The following OC90 variants were observed in gnomAD, a reference collection of about 807,000 sequenced individuals.
OC90 encodes otoconin 90.
A neutral mutation model predicts 47.3 loss-of-function variants in OC90; 46 were observed. The ratio of observed to expected loss-of-function variants is 0.97; its 90% confidence interval spans 0.77 to 1.24. The LOEUF (loss-of-function observed/expected upper bound fraction) is 1.24, where lower values mean the gene tolerates loss of function less well. Among genes scored for constraint, OC90 ranks in the 50% most tolerant of loss-of-function variants. The pLI, the probability that OC90 is intolerant of heterozygous loss-of-function variation, is 0.00. For missense variants in OC90, 688 were observed against 583.9 expected (o/e 1.18, Z -1.84); for synonymous variants, 271 against 219.5 (o/e 1.23, Z -2.07).
intron 13 of OC90, among the ~76,000 whole-genome samples, chr8:132,026,009 T>C (rs1339210567): frequency 6.6e-6 from 1 of 152,270 alleles, no homozygotes; most frequent in Non-Finnish European, 1.5e-5. Context: ...AAAATATAGA[T>C]GATCAGTTAA....
At chr8:132,055,133 C>A (rs545052722) in intron 1 of OC90, 60 bp from the exon 2 acceptor site, 2 of 917,144 alleles carry the variant, frequency 2.2e-6, no homozygotes, top group South Asian at 1.6e-5. Context: ...TGAAAGAACC[C>A]ATGGGACCCC....
chr8:132,026,720 C>T (rs28651560), intron 13 of OC90, among the ~76,000 whole-genome samples: 4,162 of 152,276 alleles, frequency 0.027, 185 homozygotes, highest in African/African-American at 0.093. Context: ...GAAGGGAGAG[C>T]AAGGCTTCAG....
At chr8:132,031,671 G>A (rs539227865) in intron 12 of OC90, among the ~76,000 whole-genome samples, 9 of 152,282 alleles carry the variant, frequency 5.9e-5, no homozygotes, top group East Asian at 5.8e-4. Context: ...CAAGGTGAAC[G>A]ACCTCAAACA....
At chr8:132,029,715 A>G (rs1268995635) in intron 12 of OC90, among the ~76,000 whole-genome samples, 1 of 152,210 alleles carries the variant, frequency 6.6e-6, no homozygotes, top group Non-Finnish European at 1.5e-5. Context: ...AGTGTCCAGC[A>G]TAGATCAGGA....
In OC90 at chr8:132,024,420, A is replaced by G; in HGVS notation, c.*61T>C. 7.6e-7 allele frequency: 1 copy of G among 1,310,836 alleles called. No individual in the cohort carries two copies. The allele number at this position is 1,310,836 out of a possible 1,614,324, so 81.2% of individuals were successfully genotyped here. ...AAGGGACAGAGGAGGCTGAGAGATAAAGAGCTGAAGGTGGAGCAGGAGCCA... is the reference window on the plus strand; with the variant it reads ...AAGGGACAGAGGAGGCTGAGAGATAGAGAGCTGAAGGTGGAGCAGGAGCCA... On this transcript the variant is annotated 3_prime_UTR_variant, in exon 14 of 14. Coordinates refer to ENST00000254627, the MANE Select transcript of OC90 (RefSeq NM_001080399.3).
intron 13 of OC90, among the ~76,000 whole-genome samples, 145 bp downstream of exon 13, chr8:132,028,915 AGGAAGGAAGGAAG>A (rs1195311958): frequency 6.7e-6 from 1 of 149,692 alleles, no homozygotes; most frequent in Non-Finnish European, 1.5e-5. Flanking sequence ...GGAAAGAGGA[AGGAAGGAAGGAAG>A]GGAAGGAAGG....
intron 2 of OC90, among the ~76,000 whole-genome samples, chr8:132,049,270 C>T (rs1823180448): frequency 6.8e-6 from 1 of 146,904 alleles, no homozygotes; most frequent in African/African-American, 2.7e-5. Context: ...CCTACCACTC[C>T]AGTACTCCAA....
At chr8:132,035,195 G>A (rs1028737273) in intron 9 of OC90, among the ~76,000 whole-genome samples, 14 of 152,214 alleles carry the variant, frequency 9.2e-5, no homozygotes, top group South Asian at 2.1e-4. Flanking sequence ...GCAGAATTGC[G>A]TGGTTGAAGT....
intron 12 of OC90, among the ~76,000 whole-genome samples, chr8:132,029,824 G>A (rs1161573070): frequency 1.3e-5 from 2 of 152,180 alleles, no homozygotes; most frequent in African/African-American, 4.8e-5. Flanking sequence ...CTTGCCAGGT[G>A]GACATCCTTA....
In OC90 at chr8:132,024,688, GCTT is replaced by G. The variant is rs1232319066; in HGVS notation, c.1224_1226del (p.Gln408_Ser409delinsHis). 2.5e-6 allele frequency: 4 copies of G among 1,613,616 alleles called. No homozygotes were observed. Among genetic ancestry groups the G allele is most frequent in the Non-Finnish European group, 2.5e-6 (3 of 1,179,822 alleles). On this transcript the variant is annotated inframe_deletion, in exon 14 of 14. Transcript: ENST00000254627. Reference sequence around the variant, plus strand: ...ACCCGAGTCTGCTTGGGGACTTGAGGCTTTGGTTAAAGGAGGCAGAGGTCATGC... The same window carrying G: ...ACCCGAGTCTGCTTGGGGACTTGAGGTGGTTAAAGGAGGCAGAGGTCATGC...
intron 10 of OC90, 71 bp downstream of exon 10, chr8:132,034,710 T>TCAG: frequency 9.5e-7 from 1 of 1,051,824 alleles, no homozygotes; most frequent in South Asian, 1.4e-5. Flanking sequence ...CCAGTTGATA[T>TCAG]CATAAATGTG....
Position 132,042,388 on chromosome 8 carries a change from C to T in OC90, c.170-689G>A, listed in dbSNP as rs1251132240. ...CTTGTTGTTATTTTTTTAAAAAAAT[C>T]AACTTCTATTATAGATTAAAGGGTA... On this transcript the variant is annotated intron_variant, in intron 4 of 13. Coordinates refer to ENST00000254627, the MANE Select transcript of OC90 (RefSeq NM_001080399.3). Among the ~76,000 whole-genome samples the T allele has an allele frequency of 2.6e-5, 4 of 151,920 alleles. No homozygotes were observed. In the East Asian group the frequency reaches 7.7e-4, roughly 29 times the overall value.
At position 132,036,429 on chromosome 8, in the gene OC90, A is replaced by T. The variant is rs758179739; in HGVS notation, c.679+1009T>A. On this transcript the variant is annotated intron_variant, in intron 9 of 13. Transcript: ENST00000254627. ...CAGTCTCTGCAGCCACTGTGAACAGAAATCACCCGATTTTAATGATCAGTT... is the reference window on the plus strand; with the variant it reads ...CAGTCTCTGCAGCCACTGTGAACAGTAATCACCCGATTTTAATGATCAGTT... 5.1e-6 allele frequency: 4 copies of T among 780,620 alleles called. No individual in the cohort carries two copies. The South Asian group carries it at 5.4e-5, about 10-fold the overall frequency. 48.4% of individuals were successfully genotyped at this position (780,620 alleles called of 1,614,324 possible).
At chr8:132,048,406 A>G (rs1304249480) in intron 2 of OC90, among the ~76,000 whole-genome samples, 1 of 146,892 alleles carries the variant, frequency 6.8e-6, no homozygotes, top group Non-Finnish European at 1.5e-5. Flanking sequence ...GCAATTTGGG[A>G]TGGTTGGAGT....
At chr8:132,053,479 A>G (rs1823243936) in intron 2 of OC90, among the ~76,000 whole-genome samples, 1 of 152,230 alleles carries the variant, frequency 6.6e-6, no homozygotes, top group Non-Finnish European at 1.5e-5. Context: ...AGAGAATCTT[A>G]GTCTCACAAA....
Position 132,031,850 on chromosome 8 carries a change from C to A in OC90, c.1031+31G>T, listed in dbSNP as rs1285079520. The A allele has an allele frequency of 2.5e-6, 4 of 1,598,820 alleles. No individual in the cohort carries two copies. In the African/African-American group the frequency reaches 5.3e-5, roughly 21 times the overall value. On this transcript the variant is annotated intron_variant, in intron 12 of 13. Coordinates refer to ENST00000254627, the MANE Select transcript of OC90 (RefSeq NM_001080399.3). ...GGTGCAGACAGCATCAGCACTACTA[C>A]ACCAGAGCTGTCACCGCTGGCTCTC...
intron 12 of OC90, 60 bp downstream of exon 12, chr8:132,031,821 C>A (rs932716277): frequency 6.8e-7 from 1 of 1,467,830 alleles, no homozygotes; most frequent in Admixed American, 1.8e-5. Flanking sequence ...TGTCACCACC[C>A]TCTGGTGCAG....
chr8:132,032,120 G>A, intron 11 of OC90, 68 bp from the exon 12 acceptor site: 2 of 1,445,250 alleles, frequency 1.4e-6, no homozygotes. Context: ...GGAAGGCCAT[G>A]TGAGCCTCCG....
At chr8:132,028,612 AAGGAGGAAG>A (rs1563727524) in intron 13 of OC90, among the ~76,000 whole-genome samples, 1 of 106,234 alleles carries the variant, frequency 9.4e-6, no homozygotes, top group African/African-American at 4.4e-5. Context: ...GGAAGGAGGG[AAGGAGGAAG>A]GAAGGAAGGA....
Sources: allele counts gnomAD v4.1 joint callset (sites outside exome capture counted in the v4.1 genomes callset), GRCh38; gene constraint gnomAD v4.1.1; transcripts MANE v1.5; gene names NCBI Gene and HGNC (gene_info 2026-07-23, HGNC 2026-07-21).